SBF2: variants seen among roughly 807,000 people sequenced by gnomAD.
SBF2 encodes the protein myotubularin-related protein 13.
A neutral mutation model predicts 225.2 loss-of-function variants in SBF2; 112 were observed. The ratio of observed to expected loss-of-function variants is 0.50; its 90% CI spans 0.43 to 0.58. SBF2 has a LOEUF of 0.58. Ranked by LOEUF, SBF2 falls within the 20% of genes least tolerant of loss-of-function variation. SBF2 has a pLI of 0.00. For synonymous variants in SBF2, 763 were observed against 773.3 expected, an observed-to-expected ratio of 0.99 and a Z score of 0.22; for missense variants, 1,996 against 2,206.2, an observed-to-expected ratio of 0.90 and a Z score of 1.91.
intron 16 of SBF2, among the ~76,000 whole-genome samples, chr11:9,943,957 T>G (rs1051847433): frequency 1.3e-5 from 2 of 152,212 alleles, no homozygotes; most frequent in Non-Finnish European, 2.9e-5. Context: ...TGTGTTTAGT[T>G]ACAACACCGT....
chr11:9,993,777 C>T (rs888409129), intron 10 of SBF2, 144 bp downstream of exon 10: 9 of 797,010 alleles, frequency 1.1e-5, no homozygotes, highest in Middle Eastern at 3.7e-4. Flanking sequence ...GGACAGTCAG[C>T]GGCAAGTATC....
At chr11:10,162,430 T>C (rs964287527) in intron 2 of SBF2, among the ~76,000 whole-genome samples, 1 of 152,194 alleles carries the variant, frequency 6.6e-6, no homozygotes, top group Non-Finnish European at 1.5e-5. Flanking sequence ...TTCTGTTATG[T>C]CTTTGAAATA....
In SBF2 at chr11:10,042,990, A is replaced by C. The variant is rs1188288533; in HGVS notation, c.142-9T>G. 6.2e-7 allele frequency: 1 copy of C among 1,612,736 alleles called. No homozygotes were observed. The highest frequency in any genetic ancestry group is 8.5e-7 in the Non-Finnish European group (1 of 1,178,984). On this transcript the variant is annotated splice_polypyrimidine_tract_variant and intron_variant, in intron 2 of 39. Coordinates refer to ENST00000256190, the MANE Select transcript of SBF2 (RefSeq NM_030962.4). ...CCGCCAGGCTGACAAAACTAAATGAAATAGAAAAAAAAATGTAACATTTAA... is the reference window on the plus strand; with the variant it reads ...CCGCCAGGCTGACAAAACTAAATGACATAGAAAAAAAAATGTAACATTTAA...
At chr11:9,832,622 G>T (rs1855470711) in intron 26 of SBF2, among the ~76,000 whole-genome samples, 1 of 152,012 alleles carries the variant, frequency 6.6e-6, no homozygotes, top group Non-Finnish European at 1.5e-5. Context: ...TTTTATTTTT[G>T]TAGAGACAGG....
At chr11:10,105,259 G>C (rs938168059) in intron 2 of SBF2, among the ~76,000 whole-genome samples, 4 of 152,174 alleles carry the variant, frequency 2.6e-5, no homozygotes, top group African/African-American at 9.7e-5. Context: ...AGTCTTAGGA[G>C]AGAGGGGTGA....
At chr11:9,989,008 C>A (rs555805931) in intron 13 of SBF2, among the ~76,000 whole-genome samples, 1 of 149,080 alleles carries the variant, frequency 6.7e-6, no homozygotes. Context: ...ACCCAAATGC[C>A]CATCAATGAG....
chr11:10,264,805 AC>A, intron 1 of SBF2, among the ~76,000 whole-genome samples: 1 of 151,326 alleles, frequency 6.6e-6, no homozygotes, highest in African/African-American at 2.4e-5. Context: ...TCATTGTTCA[AC>A]TTCCACTTAT....
At chr11:9,908,399 G>A (rs1862279015) in intron 16 of SBF2, among the ~76,000 whole-genome samples, 1 of 152,156 alleles carries the variant, frequency 6.6e-6, no homozygotes, top group Non-Finnish European at 1.5e-5. Flanking sequence ...GCCGAGGCGG[G>A]TAGATCACGA....
chr11:10,182,742 T>C (rs1451286630), intron 2 of SBF2, among the ~76,000 whole-genome samples: 1 of 151,252 alleles, frequency 6.6e-6, no homozygotes, highest in Non-Finnish European at 1.5e-5. Flanking sequence ...CTTTTTGTTG[T>C]TGTTGTTGTT....
At chr11:10,281,116 G>T (rs952812002) in intron 1 of SBF2, among the ~76,000 whole-genome samples, 1 of 152,078 alleles carries the variant, frequency 6.6e-6, no homozygotes, top group Non-Finnish European at 1.5e-5. Flanking sequence ...AAACATGTAA[G>T]ATTATAGCCT....
intron 2 of SBF2, among the ~76,000 whole-genome samples, chr11:10,118,857 A>C (rs972412451): frequency 1.2e-4 from 18 of 152,064 alleles, no homozygotes; most frequent in Non-Finnish European, 2.5e-4. Flanking sequence ...TTCATTTAGC[A>C]AATAACTATT....
In SBF2 at chr11:9,993,105, T is replaced by C; in HGVS notation, c.1054-2A>G. 1 of 1,594,038 alleles carries C rather than the reference T, an allele frequency of 6.3e-7. No individual in the cohort carries two copies. The stretch of plus-strand genomic sequence containing the variant: ...GAAAACGGCTCGCACCTCTTTATCC[T>C]AAAAATATAAGAAGAAATGTTAGGT... On this transcript the variant is annotated splice_acceptor_variant, in intron 10 of 39. Transcript: ENST00000256190. LOFTEE classifies it high-confidence loss of function.
chr11:10,280,112 T>C (rs570088349), intron 1 of SBF2, among the ~76,000 whole-genome samples: 2 of 152,160 alleles, frequency 1.3e-5, no homozygotes, highest in South Asian at 2.1e-4. Flanking sequence ...AAATCCAAAA[T>C]GCTCTAATGA....
intron 2 of SBF2, among the ~76,000 whole-genome samples, chr11:10,175,545 TC>T (rs1956425633): frequency 1.3e-5 from 2 of 151,570 alleles, no homozygotes; most frequent in Admixed American, 6.6e-5. Flanking sequence ...AGACTTAGAC[TC>T]CCACACAATA....
intron 17 of SBF2, among the ~76,000 whole-genome samples, chr11:9,879,361 C>A (rs1462513326): frequency 6.6e-6 from 1 of 152,136 alleles, no homozygotes; most frequent in African/African-American, 2.4e-5. Flanking sequence ...TGTTATTAGG[C>A]TGTATCTTAT....
chr11:10,196,853 TATA>T (rs1565345021), intron 1 of SBF2, among the ~76,000 whole-genome samples: 1 of 22,148 alleles, frequency 4.5e-5, no homozygotes, highest in Non-Finnish European at 1.6e-4. Context: ...TATATATATA[TATA>T]TATATATATA....
intron 2 of SBF2, among the ~76,000 whole-genome samples, chr11:10,127,515 C>T (rs1953811708): frequency 6.6e-6 from 1 of 152,118 alleles, no homozygotes; most frequent in South Asian, 2.1e-4. Flanking sequence ...ATATCTTTAT[C>T]TTAACCATCT....
In SBF2 at chr11:10,080,795, A is replaced by G. The variant is rs550592976; in HGVS notation, c.142-37814T>C. ...CATATTCCATGCAAACAAAAATCAA[A>G]CGCAAGCAGAAATAGCTATACTTAT... On this transcript the variant is annotated intron_variant, in intron 2 of 39. Coordinates refer to ENST00000256190, the MANE Select transcript of SBF2 (RefSeq NM_030962.4). 2.6e-5 allele frequency among the ~76,000 whole-genome samples: 4 copies of G among 152,182 alleles called. No homozygotes were observed. The South Asian group carries it at 8.3e-4, about 32-fold the overall frequency.
At chr11:10,088,290 G>A (rs1951655613) in intron 2 of SBF2, among the ~76,000 whole-genome samples, 1 of 152,154 alleles carries the variant, frequency 6.6e-6, no homozygotes, top group Non-Finnish European at 1.5e-5. Flanking sequence ...CTCCCAAAAT[G>A]CTGGGATTAC....
Sources: allele counts gnomAD v4.1 joint callset (sites outside exome capture counted in the v4.1 genomes callset), GRCh38; gene constraint gnomAD v4.1.1; transcripts MANE v1.5; gene names NCBI Gene and HGNC (gene_info 2026-07-23, HGNC 2026-07-21).